The following ADGRE3 variants were observed in gnomAD, a reference collection of about 807,000 sequenced individuals.
ADGRE3 encodes EGF-like module receptor 3.
Under a neutral mutation model 80.1 loss-of-function variants are expected in ADGRE3, and 88 were observed. That is an observed-to-expected ratio of 1.10 (90% CI 0.93 to 1.31). The LOEUF is 1.31. Among genes scored for constraint, ADGRE3 ranks in the 40% most tolerant of loss-of-function variants. The pLI is 0.00. For synonymous variants in ADGRE3, 281 were observed against 294.8 expected (o/e 0.95, Z 0.48); for missense variants, 715 against 776.5 (o/e 0.92, Z 0.94).
chr19:14,648,631 G>T (rs1457026926), intron 7 of ADGRE3, among the ~76,000 whole-genome samples: 2 of 152,188 alleles, frequency 1.3e-5, no homozygotes, highest in African/African-American at 4.8e-5. Flanking sequence ...TGCCATGAAG[G>T]TGTTTTAAAG....
downstream of ADGRE3, among the ~76,000 whole-genome samples, chr19:14,614,688 T>C (rs890527094): frequency 6.6e-6 from 1 of 151,330 alleles, no homozygotes; most frequent in African/African-American, 2.4e-5. Flanking sequence ...GCCATTCTTC[T>C]GCCTCTGCCT....
At chr19:14,635,497 C>T (rs1173935003) in intron 11 of ADGRE3, among the ~76,000 whole-genome samples, 1 of 151,504 alleles carries the variant, frequency 6.6e-6, no homozygotes, top group Non-Finnish European at 1.5e-5. Flanking sequence ...CTGCAACCTC[C>T]ACCTCCCGGG....
intron 11 of ADGRE3, among the ~76,000 whole-genome samples, chr19:14,633,736 A>AATAAAATAAT (rs1970955222): frequency 6.7e-6 from 1 of 150,122 alleles, no homozygotes; most frequent in Non-Finnish European, 1.5e-5. Flanking sequence ...AATAAAATAA[A>AATAAAATAAT]ATAAAATAAA....
In ADGRE3 at chr19:14,652,188, G is replaced by A. The variant is rs376568728; in HGVS notation, c.578-984C>T. On this transcript the variant is annotated intron_variant, in intron 6 of 15. Transcript: ENST00000253673. ...AAAGGTAACCATGTGAGTGATGGAT[G>A]TGTTAGCTAATTTGATTGTGGTGAT... Among the ~76,000 whole-genome samples the A allele has an allele frequency of 5.9e-5, 9 of 152,270 alleles. No individual in the cohort carries two copies. In the East Asian group the frequency reaches 7.7e-4, roughly 13 times the overall value.
At chr19:14,602,954 C>T in the ADGRE3 span, among the ~76,000 whole-genome samples, 3 of 151,854 alleles carry the variant, frequency 2.0e-5, no homozygotes, top group South Asian at 2.1e-4. Flanking sequence ...AGATTGGTCT[C>T]GAACTCCTGA....
chr19:14,633,126 G>T, intron 12 of ADGRE3, 110 bp downstream of exon 12: 1 of 1,276,992 alleles, frequency 7.8e-7, no homozygotes, highest in Non-Finnish European at 1.1e-6. Flanking sequence ...TTGGTAGCAG[G>T]TGGAAAATCA....
chr19:14,653,594 A>G (rs2146874122), intron 6 of ADGRE3, among the ~76,000 whole-genome samples: 1 of 151,804 alleles, frequency 6.6e-6, no homozygotes, highest in South Asian at 2.1e-4. Flanking sequence ...TTTTTTTGAG[A>G]CAGGCTCTCA....
chr19:14,619,993 C>T (rs951304291), intron 15 of ADGRE3, among the ~76,000 whole-genome samples: 3 of 152,118 alleles, frequency 2.0e-5, no homozygotes, highest in Non-Finnish European at 2.9e-5. Context: ...TTACATCTTC[C>T]TTCCTGGTAT....
chr19:14,638,400 C>A (rs1971160866), intron 10 of ADGRE3, 60 bp from the exon 11 acceptor site: 2 of 1,282,086 alleles, frequency 1.6e-6, no homozygotes, highest in Admixed American at 3.9e-5. Flanking sequence ...GCCCTAGGAC[C>A]TCTCCTTGAC....
At chr19:14,612,245 TG>T in the ADGRE3 span, among the ~76,000 whole-genome samples, 2 of 152,170 alleles carry the variant, frequency 1.3e-5, no homozygotes, top group South Asian at 4.1e-4. Context: ...TAATTTCTTC[TG>T]AGGCCTCCTG....
the ADGRE3 span, among the ~76,000 whole-genome samples, chr19:14,600,624 C>G: frequency 6.6e-6 from 1 of 151,854 alleles, no homozygotes; most frequent in Admixed American, 6.6e-5. Flanking sequence ...CTCTTTCACC[C>G]AGGCTGGAGT....
At position 14,662,057 on chromosome 19, in the gene ADGRE3, A is replaced by T. The variant is rs1224120025; in HGVS notation, c.261T>A (p.Asn87Lys). Reference protein sequence around the residue: ...VYCGFNAVCYNVEGSFYCQCV... With the variant: ...VYCGFNAVCYKVEGSFYCQCV... The stretch of plus-strand genomic sequence containing the variant: ...ATTGACAGTAGAAACTTCCTTCGAC[A>T]TTGTAACACACAGCGTTAAATCCAC... Residue 87 changes from asparagine (N) to lysine (K), a missense_variant, in exon 4 of 16, where the codon AAT becomes AAA. By Grantham distance (94) the Asn-to-Lys change is moderately conservative. Transcript: ENST00000253673. 4 of 1,614,000 alleles carry T rather than the reference A, an allele frequency of 2.5e-6. No individual in the cohort carries two copies. Among genetic ancestry groups the T allele is most frequent in the Admixed American group, 1.7e-5 (1 of 59,996 alleles).
chr19:14,650,279 T>G (rs1417205400), intron 7 of ADGRE3, among the ~76,000 whole-genome samples: 2 of 151,060 alleles, frequency 1.3e-5, no homozygotes, highest in African/African-American at 4.9e-5. Flanking sequence ...TCTCCCCATC[T>G]CTGTCTTTCC....
intron 11 of ADGRE3, among the ~76,000 whole-genome samples, chr19:14,637,559 A>ATTT (rs35923982): frequency 3.4e-5 from 5 of 146,576 alleles, no homozygotes; most frequent in African/African-American, 1.3e-4. Flanking sequence ...ATGCTTGGCT[A>ATTT]TTTTTTTTTT....
intron 14 of ADGRE3, among the ~76,000 whole-genome samples, chr19:14,626,488 T>C (rs561693500): frequency 6.6e-6 from 1 of 152,124 alleles, no homozygotes; most frequent in Non-Finnish European, 1.5e-5. Context: ...AAGATATGCA[T>C]ATGCAAAAGG....
Position 14,620,548 on chromosome 19 carries a change from T to TATATATAA in ADGRE3, c.1921-1078_1921-1077insTTATATAT. 1.1e-3 allele frequency among the ~76,000 whole-genome samples: 28 copies of TATATATAA among 24,948 alleles called. 1 individual carries two copies. Among genetic ancestry groups the TATATATAA allele is most frequent in the South Asian group, 3.3e-3 (2 of 604 alleles). The allele number at this position is 24,948 out of a possible 152,430, so 16.4% of individuals were successfully genotyped here. The stretch of plus-strand genomic sequence containing the variant: ...TGAATATATATATTTTATATATATA[T>TATATATAA]TATATATATATATATATATATTTTT... On this transcript the variant is annotated intron_variant, in intron 15 of 15. Coordinates refer to ENST00000253673, the MANE Select transcript of ADGRE3 (RefSeq NM_032571.5).
At chr19:14,643,875 G>T (rs142483365) in intron 9 of ADGRE3, among the ~76,000 whole-genome samples, 2 of 151,840 alleles carry the variant, frequency 1.3e-5, no homozygotes, top group Non-Finnish European at 2.9e-5. Flanking sequence ...TATGTTTGGC[G>T]AATTTTTGTA....
intron 1 of ADGRE3, among the ~76,000 whole-genome samples, chr19:14,669,056 A>G (rs1168099457): frequency 2.0e-5 from 3 of 152,154 alleles, no homozygotes; most frequent in African/African-American, 4.8e-5. Flanking sequence ...CAATCCCACT[A>G]CTGGATATCT....
chr19:14,663,753 T>C (rs1469067967), intron 2 of ADGRE3, among the ~76,000 whole-genome samples: 1 of 150,542 alleles, frequency 6.6e-6, no homozygotes, highest in African/African-American at 2.4e-5. Flanking sequence ...GCAGGAGAAT[T>C]GTTTGAACCT....
Sources: allele counts gnomAD v4.1 joint callset (sites outside exome capture counted in the v4.1 genomes callset), GRCh38; gene constraint gnomAD v4.1.1; transcripts MANE v1.5; gene names NCBI Gene and HGNC (gene_info 2026-07-23, HGNC 2026-07-21).